Variants in ANKH observed in about 807,000 individuals in gnomAD.
ANKH encodes ANKH inorganic pyrophosphate transport regulator, also known as mineralization regulator ANKH.
In ANKH, 15 loss-of-function variants were observed where a neutral mutation model predicts 49.0. The observed-to-expected ratio is 0.31, with a 90% confidence interval of 0.20 to 0.47. ANKH has a LOEUF of 0.47. Ranked by LOEUF, ANKH falls within the 20% of genes least tolerant of loss-of-function variation. The pLI, the probability that ANKH is intolerant of heterozygous loss-of-function variation, is 1.00. For missense variants in ANKH, 429 were observed against 652.0 expected (o/e 0.66, Z 3.72); for synonymous variants, 273 against 260.0 (o/e 1.05, Z -0.48).
At chr5:14,792,567 A>G (rs938245066) in intron 1 of ANKH, among the ~76,000 whole-genome samples, 4 of 152,134 alleles carry the variant, frequency 2.6e-5, no homozygotes, top group African/African-American at 7.2e-5. Flanking sequence ...ATGAACACTG[A>G]TGAAAGGAAA....
chr5:14,841,292 A>G (rs1356450045), intron 1 of ANKH, among the ~76,000 whole-genome samples: 1 of 151,262 alleles, frequency 6.6e-6, no homozygotes, highest in Non-Finnish European at 1.5e-5. Flanking sequence ...CATAAAATAT[A>G]ACATTTATTT....
intron 1 of ANKH, among the ~76,000 whole-genome samples, chr5:14,843,074 T>C (rs1741857491): frequency 6.6e-6 from 1 of 152,120 alleles, no homozygotes; most frequent in Non-Finnish European, 1.5e-5. Flanking sequence ...AATTAGAACA[T>C]TCAGACATTG....
At chr5:14,759,815 G>GA (rs1225291041) in intron 2 of ANKH, among the ~76,000 whole-genome samples, 6 of 130,254 alleles carry the variant, frequency 4.6e-5, no homozygotes, top group African/African-American at 1.2e-4. Flanking sequence ...GAAGGGGAGG[G>GA]AAAAAAAGGA....
At chr5:14,729,698 C>T (rs528148830) in intron 8 of ANKH, among the ~76,000 whole-genome samples, 3 of 152,016 alleles carry the variant, frequency 2.0e-5, no homozygotes, top group Non-Finnish European at 4.4e-5. Flanking sequence ...TGTGACCTGC[C>T]ACCTTGCAAT....
chr5:14,741,540 T>G, intron 8 of ANKH: 1 of 314,926 alleles, frequency 3.2e-6, no homozygotes, highest in South Asian at 4.4e-5. Flanking sequence ...GGCTAGAAAT[T>G]TTTCAGCAAG....
At chr5:14,801,238 T>G (rs766645676) in intron 1 of ANKH, among the ~76,000 whole-genome samples, 1 of 152,238 alleles carries the variant, frequency 6.6e-6, no homozygotes, top group Non-Finnish European at 1.5e-5. Context: ...TATCTTTACA[T>G]AGAACCCTAT....
At chr5:14,798,520 T>C in intron 1 of ANKH, 1 of 764,122 alleles carries the variant, frequency 1.3e-6, no homozygotes, top group Non-Finnish European at 2.0e-6. Flanking sequence ...AAATTGAAGG[T>C]TTGTGGCAAC....
rs2100124870 is a variant in ANKH at position 14,840,248 on chromosome 5, CTTT to C, written c.96+31101_96+31103del. Reference sequence around the variant, plus strand: ...GCCAGGGCAAGGAATTTCCATAGCACTTTTTAAGAACAGTTTATTTTTTCCTCT... The same window carrying C: ...GCCAGGGCAAGGAATTTCCATAGCACTTAAGAACAGTTTATTTTTTCCTCT... On this transcript the variant is annotated intron_variant, in intron 1 of 11. Coordinates refer to ENST00000284268, the MANE Select transcript of ANKH (RefSeq NM_054027.6). 2.0e-5 allele frequency among the ~76,000 whole-genome samples: 3 copies of C among 152,136 alleles called. No individual in the cohort carries two copies. In the South Asian group the frequency reaches 6.2e-4, roughly 31 times the overall value.
At chr5:14,733,616 T>C (rs1738074114) in intron 8 of ANKH, among the ~76,000 whole-genome samples, 1 of 152,228 alleles carries the variant, frequency 6.6e-6, no homozygotes, top group Non-Finnish European at 1.5e-5. Flanking sequence ...ATCGTGCTCA[T>C]TTCACACACT....
chr5:14,740,520 G>A (rs1009574915), intron 8 of ANKH, among the ~76,000 whole-genome samples: 2 of 152,182 alleles, frequency 1.3e-5, no homozygotes, highest in African/African-American at 4.8e-5. Flanking sequence ...CAACGCCCCC[G>A]TGTTCCACAG....
At chr5:14,798,466 C>T (rs1427638058) in intron 1 of ANKH, 17 of 1,315,290 alleles carry the variant, frequency 1.3e-5, no homozygotes, top group East Asian at 2.5e-5. Context: ...AGGCTGCAGG[C>T]GTTCGCTCTG....
At chr5:14,840,140 T>C (rs896127777) in intron 1 of ANKH, among the ~76,000 whole-genome samples, 1 of 152,194 alleles carries the variant, frequency 6.6e-6, no homozygotes, top group Non-Finnish European at 1.5e-5. Flanking sequence ...TTTGCTCTCA[T>C]CCTTACCACG....
chr5:14,711,095 AAAAC>A lies in ANKH; in HGVS notation c.*98_*101del. ...TCAAGGCCTCTTTCATTACCAAAAC[AAAAC>A]AAAAAAAAGGGAACAAAATACGATG... On this transcript the variant is annotated 3_prime_UTR_variant, in exon 12 of 12. Transcript: ENST00000284268. The A allele has an allele frequency of 1.8e-6, 2 of 1,101,740 alleles. No homozygotes were observed. The highest frequency in any genetic ancestry group is 1.4e-6 in the Non-Finnish European group (1 of 718,316). The allele number at this position is 1,101,740 out of a possible 1,614,324, so 68.2% of individuals were successfully genotyped here.
chr5:14,725,798 T>C lies in ANKH; in HGVS notation c.1012-8963A>G, dbSNP rs1039599930. Among the ~76,000 whole-genome samples, 5 of 152,252 alleles carry C rather than the reference T, an allele frequency of 3.3e-5. No individual in the cohort carries two copies. Among genetic ancestry groups the C allele is most frequent in the Non-Finnish European group, 5.9e-5 (4 of 68,022 alleles). ...GCCTTGCTCTGTTGCCAGGCTGGAGTGCAGTGGCACGATCTTGGCTCACTG... is the reference window on the plus strand; with the variant it reads ...GCCTTGCTCTGTTGCCAGGCTGGAGCGCAGTGGCACGATCTTGGCTCACTG... On this transcript the variant is annotated intron_variant, in intron 8 of 11. Transcript: ENST00000284268. This position sits in a 1 kb window ranked among gnomAD's most constrained non-coding sequence, Gnocchi z 4.0.
rs1002896092 is a variant in ANKH at position 14,725,221 on chromosome 5, G to A, written c.1012-8386C>T. Reference sequence around the variant, plus strand: ...TCTGTTGTCTCTAGGTGAGTTCCCTGAGCACTCCAGCCTCAGCTCTCTTCT... The same window carrying A: ...TCTGTTGTCTCTAGGTGAGTTCCCTAAGCACTCCAGCCTCAGCTCTCTTCT... On this transcript the variant is annotated intron_variant, in intron 8 of 11. Transcript: ENST00000284268. The surrounding 1 kb of genome is among the most constrained non-coding windows in gnomAD (Gnocchi z 4.0). Among the ~76,000 whole-genome samples the A allele has an allele frequency of 6.6e-6, 1 of 152,208 alleles. No individual in the cohort carries two copies. Among genetic ancestry groups the A allele is most frequent in the South Asian group, 2.1e-4 (1 of 4,826 alleles).
chr5:14,777,710 C>T (rs1739671834), intron 1 of ANKH, among the ~76,000 whole-genome samples: 1 of 152,194 alleles, frequency 6.6e-6, no homozygotes, highest in African/African-American at 2.4e-5. Flanking sequence ...GAGTGCTGTG[C>T]CCCTGGGGCA....
intron 1 of ANKH, among the ~76,000 whole-genome samples, chr5:14,830,378 G>C (rs1221449597): frequency 1.3e-5 from 2 of 152,142 alleles, no homozygotes; most frequent in African/African-American, 4.8e-5. Flanking sequence ...GCATGAGTAG[G>C]AGGTAATGAA....
At chr5:14,768,392 T>C (rs1235795508) in intron 2 of ANKH, 1 of 154,874 alleles carries the variant, frequency 6.5e-6, no homozygotes, top group Non-Finnish European at 1.4e-5. Flanking sequence ...GCAGCAGAAC[T>C]CCAGCCCTGA....
intron 1 of ANKH, among the ~76,000 whole-genome samples, chr5:14,861,122 A>G (rs1180175382): frequency 1.3e-5 from 2 of 152,142 alleles, no homozygotes; most frequent in Non-Finnish European, 2.9e-5. Flanking sequence ...AAAGCTTACT[A>G]ATGTGGACTC....
Sources: gnomAD v4.1 joint callset for allele counts (sites outside exome capture counted in the v4.1 genomes callset) on GRCh38, gnomAD v4.1.1 for gene constraint, Gnocchi (gnomAD v3.1) non-coding constraint, MANE v1.5 for transcripts, NCBI Gene and HGNC (gene_info 2026-07-23, HGNC 2026-07-21) for gene names.